The following DYSF variants were observed in gnomAD, a reference collection of about 807,000 sequenced individuals.
DYSF encodes the protein dysferlin.
DYSF carries 212 observed loss-of-function variants against 274.9 expected under a neutral mutation model. The ratio of observed to expected loss-of-function variants is 0.77; its 90% CI spans 0.69 to 0.86. The LOEUF is 0.86. Ranked by LOEUF, DYSF falls within the 40% of genes least tolerant of loss-of-function variation. The probability of loss-of-function intolerance (pLI) is 0.00; values close to 1 mark genes in which losing one functional copy is unlikely to be tolerated. For missense variants in DYSF, 2,666 were observed against 2,783.2 expected, an observed-to-expected ratio of 0.96 and a Z score of 0.95; for synonymous variants, 1,091 against 1,078.7, an observed-to-expected ratio of 1.01 and a Z score of -0.22.
At chr2:71,543,743 T>G (rs2090185763) in intron 17 of DYSF, among the ~76,000 whole-genome samples, 1 of 152,098 alleles carries the variant, frequency 6.6e-6, no homozygotes, top group African/African-American at 2.4e-5. Flanking sequence ...GCGCCTGCAA[T>G]CGCAGGCACT....
intron 41 of DYSF, among the ~76,000 whole-genome samples, chr2:71,628,371 T>C (rs190211833): frequency 7.0e-4 from 106 of 152,234 alleles, no homozygotes; most frequent in African/African-American, 2.3e-3. Flanking sequence ...AAAGCATTAT[T>C]TTATTTTAAG....
intron 30 of DYSF, among the ~76,000 whole-genome samples, chr2:71,580,439 C>CT (rs2092851770): frequency 6.6e-6 from 1 of 152,218 alleles, no homozygotes; most frequent in Non-Finnish European, 1.5e-5. Context: ...CTTGAGCTGG[C>CT]TGAAAAGGAG....
intron 42 of DYSF, among the ~76,000 whole-genome samples, chr2:71,653,451 A>G (rs1294718539): frequency 6.6e-6 from 1 of 152,140 alleles, no homozygotes; most frequent in Non-Finnish European, 1.5e-5. Context: ...AAAATGTGGC[A>G]CATATACACC....
At chr2:71,621,938 C>G (rs967842556) in intron 41 of DYSF, among the ~76,000 whole-genome samples, 1 of 152,064 alleles carries the variant, frequency 6.6e-6, no homozygotes, top group Non-Finnish European at 1.5e-5. Flanking sequence ...GGATTACAGG[C>G]GTGAGCCACC....
intron 51 of DYSF, among the ~76,000 whole-genome samples, chr2:71,673,599 C>A (rs1358367226): frequency 1.3e-5 from 2 of 152,076 alleles, no homozygotes; most frequent in Non-Finnish European, 2.9e-5. Flanking sequence ...AGGGTGGGGT[C>A]CCTCAGGGTC....
Position 71,485,724 on chromosome 2 carries a change from AC to A in DYSF, c.239+3756del, listed in dbSNP as rs2083307129. Among the ~76,000 whole-genome samples, 3 of 152,318 alleles carry A rather than the reference AC, an allele frequency of 2.0e-5. No individual in the cohort carries two copies. The Middle Eastern group carries it at 0.01, about 518-fold the overall frequency. ...CAAATTCCAAAAGTGTAAAAAGAAA[AC>A]CATACCAGGGAGTAACAAGAATGAA... is the stretch of plus-strand genomic sequence containing the variant. On this transcript the variant is annotated intron_variant, in intron 3 of 55. Transcript: ENST00000410020.
intron 14 of DYSF, among the ~76,000 whole-genome samples, chr2:71,532,830 TTCTATCTATCTATCTATCTATCTA>T (rs61396446): frequency 0.029 from 4,287 of 147,542 alleles, 102 homozygotes; most frequent in Admixed American, 0.057. Context: ...AGTACATTTA[TTCTATCTATCTATCTATCTATCTA>T]TCTATCTATC....
chr2:71,487,955 A>G (rs1181487561), intron 3 of DYSF, among the ~76,000 whole-genome samples: 3 of 152,246 alleles, frequency 2.0e-5, no homozygotes, highest in Admixed American at 6.5e-5. Context: ...GAAACTGCAC[A>G]TGGTAAAATT....
chr2:71,618,069 G>GGTGTGTGTGTGGTAGAGGTGGGGT (rs2093954233), intron 40 of DYSF, among the ~76,000 whole-genome samples: 1 of 40,992 alleles, frequency 2.4e-5, no homozygotes, highest in African/African-American at 8.6e-5. Context: ...GTAGAGATGG[G>GGTGTGTGTGTGGTAGAGGTGGGGT]GTGTGTGTGT....
chr2:71,488,316 G>A (rs4470367), intron 3 of DYSF, among the ~76,000 whole-genome samples: 4,074 of 152,254 alleles, frequency 0.027, 86 homozygotes, highest in Non-Finnish European at 0.036. Flanking sequence ...CTTCTCAGTG[G>A]AAATTAATTA....
At position 71,553,065 on chromosome 2, in the gene DYSF, A is replaced by G. The variant is rs750819587; in HGVS notation, c.1861A>G (p.Met621Val). The G allele has an allele frequency of 1.9e-6, 3 of 1,614,150 alleles. No homozygotes were observed. The Admixed American group carries it at 5.0e-5, about 27-fold the overall frequency. The stretch of plus-strand genomic sequence containing the variant: ...GTTTGCGGCCTTCTACTCAGCCACC[A>G]TGCTGCAGGATGTGGATGATGCCAT... ...SLFAAFYSAT[M>V]LQDVDDAIQF... The change falls in exon 20 of 56, where the codon ATG becomes GTG. Residue 621 changes from methionine to valine, a missense_variant. Physicochemically the swap from Met to Val is conservative, Grantham distance 21. Around this residue, in one of 3 missense-constraint regions of DYSF, gnomAD observed 412 missense variants for 504.0 expected, o/e 0.82. Transcript: ENST00000410020.
At position 71,624,343 on chromosome 2, in the gene DYSF, T is replaced by C. The variant is rs559508217; in HGVS notation, c.4527+3734T>C. Among the ~76,000 whole-genome samples the C allele has an allele frequency of 5.9e-5, 9 of 152,302 alleles. No individual in the cohort carries two copies. The South Asian group carries it at 1.9e-3, about 32-fold the overall frequency. Reference sequence around the variant, plus strand: ...AAGAAGTTTTAAGGAGAGCTTCTATTATGTATTATTGAGTTAGGTTTGCTA... The same window carrying C: ...AAGAAGTTTTAAGGAGAGCTTCTATCATGTATTATTGAGTTAGGTTTGCTA... On this transcript the variant is annotated intron_variant, in intron 41 of 55. Transcript: ENST00000410020.
chr2:71,543,423 G>A (rs571786782), intron 17 of DYSF, among the ~76,000 whole-genome samples: 2 of 151,748 alleles, frequency 1.3e-5, no homozygotes, highest in East Asian at 3.9e-4. Context: ...ACGATGGGCG[G>A]CCAGGCAGAG....
chr2:71,468,847 G>C (rs143435326), intron 1 of DYSF, among the ~76,000 whole-genome samples: 1 of 152,320 alleles, frequency 6.6e-6, no homozygotes, highest in Non-Finnish European at 1.5e-5. Flanking sequence ...GCAGTGACCT[G>C]TCCTATTTGT....
chr2:71,666,556 A>T (rs952760789), intron 47 of DYSF, among the ~76,000 whole-genome samples: 2 of 152,230 alleles, frequency 1.3e-5, no homozygotes, highest in Admixed American at 1.3e-4. Flanking sequence ...GGCCTTTGAC[A>T]TAGTGGGCTC....
intron 19 of DYSF, 74 bp downstream of exon 19, chr2:71,551,794 A>G: frequency 7.9e-7 from 1 of 1,266,866 alleles, no homozygotes; most frequent in South Asian, 1.3e-5. Flanking sequence ...ACTGGCCTTG[A>G]GGTGTCATGG....
intron 12 of DYSF, 22 bp from the exon 13 acceptor site, chr2:71,526,198 T>C (rs991081982): frequency 1.9e-6 from 3 of 1,614,054 alleles, no homozygotes; most frequent in Non-Finnish European, 2.5e-6. Context: ...CATGAAGGAA[T>C]CGTATTTGGT....
At chr2:71,507,301 G>T (rs34328670) in intron 4 of DYSF, among the ~76,000 whole-genome samples, 67,289 of 152,074 alleles carry the variant, frequency 0.44, 15,844 homozygotes, top group Middle Eastern at 0.53. Context: ...GGGCAGCCCA[G>T]GTGTGGCCCC....
At chr2:71,543,320 A>G (rs7597471) in intron 17 of DYSF, among the ~76,000 whole-genome samples, 120,075 of 147,514 alleles carry the variant, frequency 0.81, 49,889 homozygotes, top group African/African-American at 0.89. Context: ...GGGCAGAGAC[A>G]CTCCTCACTT....
Sources: allele counts gnomAD v4.1 joint callset (sites outside exome capture counted in the v4.1 genomes callset), GRCh38; gene constraint gnomAD v4.1.1; regional missense constraint gnomAD v4.1.1; transcripts MANE v1.5; gene names NCBI Gene and HGNC (gene_info 2026-07-23, HGNC 2026-07-21).